TRRAP: variants seen among roughly 807,000 people sequenced by gnomAD.
TRRAP encodes the protein transformation/transcription domain associated protein, also known as transformation/transcription domain-associated protein.
A neutral mutation model predicts 438.8 loss-of-function variants in TRRAP; 41 were observed. The observed-to-expected ratio is 0.09, with a 90% confidence interval of 0.07 to 0.12. The LOEUF is 0.12. Among genes scored for constraint, TRRAP ranks in the 10% least tolerant of loss-of-function variants. The pLI is 1.00. For missense variants in TRRAP, 3,122 were observed against 5,055.1 expected, an observed-to-expected ratio of 0.62 and a Z score of 11.60; for synonymous variants, 1,994 against 1,962.9, an observed-to-expected ratio of 1.02 and a Z score of -0.42.
chr7:98,910,809 G>A (rs1360066673), intron 16 of TRRAP, among the ~76,000 whole-genome samples: 3 of 151,894 alleles, frequency 2.0e-5, no homozygotes, highest in Non-Finnish European at 4.4e-5. Context: ...ATTTTTGAGG[G>A]GCAGATAGTG....
chr7:98,985,561 GC>G (rs774449420), intron 62 of TRRAP, among the ~76,000 whole-genome samples: 3 of 152,204 alleles, frequency 2.0e-5, no homozygotes, highest in Non-Finnish European at 4.4e-5. Context: ...TTGCTGTCTA[GC>G]CCATCGCAGG....
At chr7:98,995,451 G>A (rs917102249) in intron 67 of TRRAP, among the ~76,000 whole-genome samples, 32 of 152,246 alleles carry the variant, frequency 2.1e-4, no homozygotes, top group African/African-American at 6.5e-4. Context: ...CTAAGTGCAA[G>A]CTCACTGTGG....
chr7:98,902,095 A>G (rs111271523), intron 11 of TRRAP, among the ~76,000 whole-genome samples: 8 of 152,234 alleles, frequency 5.3e-5, no homozygotes, highest in Admixed American at 6.5e-5. Flanking sequence ...TAATAAAGCA[A>G]CTATGCACAT....
At chr7:98,947,558 C>G (rs182754343) in intron 33 of TRRAP, among the ~76,000 whole-genome samples, 200 of 152,076 alleles carry the variant, frequency 1.3e-3, no homozygotes, top group African/African-American at 4.2e-3. Context: ...TGGGTTCAAG[C>G]AGTTCTCCTG....
Position 98,955,321 on chromosome 7 carries a change from G to T in TRRAP, c.5937+17G>T. The T allele has an allele frequency of 1.3e-6, 2 of 1,593,204 alleles. No homozygotes were observed. Among genetic ancestry groups the T allele is most frequent in the Non-Finnish European group, 1.7e-6 (2 of 1,164,128 alleles). Reference sequence around the variant, plus strand: ...CACTTCAAGGTGTGTAGGAGGGACGGTGGGCTGCGGGGCGCGCGTCTTCAG... The same window carrying T: ...CACTTCAAGGTGTGTAGGAGGGACGTTGGGCTGCGGGGCGCGCGTCTTCAG... On this transcript the variant is annotated intron_variant, in intron 41 of 72. Transcript: ENST00000456197.
intron 67 of TRRAP, among the ~76,000 whole-genome samples, chr7:98,998,387 G>C (rs1396795297): frequency 2.0e-5 from 3 of 152,142 alleles, no homozygotes; most frequent in Non-Finnish European, 4.4e-5. Context: ...TCCTTCACCA[G>C]ATGAAAATAT....
chr7:98,925,776 C>G (rs1790022884), intron 22 of TRRAP, among the ~76,000 whole-genome samples: 1 of 152,140 alleles, frequency 6.6e-6, no homozygotes, highest in Non-Finnish European at 1.5e-5. Flanking sequence ...TGGATTTTTC[C>G]TATATATTTT....
intron 46 of TRRAP, among the ~76,000 whole-genome samples, chr7:98,962,076 A>G (rs1313375700): frequency 6.6e-6 from 1 of 152,238 alleles, no homozygotes; most frequent in Non-Finnish European, 1.5e-5. Context: ...AGCATGTTAT[A>G]AATAAGTATA....
At chr7:98,900,893 G>T (rs995945024) in intron 11 of TRRAP, among the ~76,000 whole-genome samples, 173 bp downstream of exon 11, 1 of 152,132 alleles carries the variant, frequency 6.6e-6, no homozygotes. Flanking sequence ...TATATTTGTT[G>T]TCAGTTTCTT....
chr7:98,935,780 T>A, intron 28 of TRRAP, 105 bp downstream of exon 28: 1 of 818,680 alleles, frequency 1.2e-6, no homozygotes, highest in East Asian at 2.8e-5. Flanking sequence ...TTTTTATGAC[T>A]TTTTGTAGTC....
chr7:98,959,249 G>A, intron 44 of TRRAP, 95 bp from the exon 45 acceptor site: 4 of 1,529,474 alleles, frequency 2.6e-6, no homozygotes, highest in East Asian at 2.3e-5. Flanking sequence ...TGAGACAGGT[G>A]TAAGGGCCAG....
Position 98,953,160 on chromosome 7 carries a change from T to G in TRRAP, c.5464-7T>G, listed in dbSNP as rs375904955. The G allele has an allele frequency of 9.9e-6, 16 of 1,609,344 alleles. No individual in the cohort carries two copies. The African/African-American group carries it at 2.0e-4, about 20-fold the overall frequency. Reference sequence around the variant, plus strand: ...GGAAATGAGTCCTTCCTGCTGTCCCTGCACAGGTCCTGGACCCCGAGAAGC... The same window carrying G: ...GGAAATGAGTCCTTCCTGCTGTCCCGGCACAGGTCCTGGACCCCGAGAAGC... On this transcript the variant is annotated splice_region_variant and splice_polypyrimidine_tract_variant and intron_variant, in intron 39 of 72. Coordinates refer to ENST00000456197, the MANE Select transcript of TRRAP (RefSeq NM_001375524.1).
rs369733811 is a variant in TRRAP, at chr7:98,897,675, TG to T, written c.508-65del. Reference sequence around the variant, plus strand: ...AGCGTCTTTTTGTTTTGTTTTGTTTTGTTTTGTTTTTGAATGAATATTGGGT... The same window carrying T: ...AGCGTCTTTTTGTTTTGTTTTGTTTTTTTTGTTTTTGAATGAATATTGGGT... On this transcript the variant is annotated intron_variant, in intron 7 of 72. Transcript: ENST00000456197. 1.9e-4 allele frequency: 271 copies of T among 1,434,738 alleles called. 1 individual carries two copies. The highest frequency in any genetic ancestry group is 8.9e-4 in the East Asian group (36 of 40,256). 88.9% of individuals were successfully genotyped at this position (1,434,738 alleles called of 1,614,324 possible).
chr7:99,010,648 AAAC>A (rs2116882127), intron 70 of TRRAP, among the ~76,000 whole-genome samples: 1 of 152,308 alleles, frequency 6.6e-6, no homozygotes, highest in African/African-American at 2.4e-5. Flanking sequence ...TCAGTTTGTG[AAAC>A]ATCTGTCATT....
chr7:98,985,081 G>C, intron 62 of TRRAP, 37 bp downstream of exon 62: 2 of 1,400,750 alleles, frequency 1.4e-6, no homozygotes, highest in East Asian at 4.6e-5. Context: ...GAGAAAAAAT[G>C]CATCAGATTA....
At chr7:98,986,151 C>T (rs1009431845) in intron 62 of TRRAP, among the ~76,000 whole-genome samples, 3 of 150,842 alleles carry the variant, frequency 2.0e-5, no homozygotes, top group African/African-American at 7.5e-5. Flanking sequence ...GAATAATATT[C>T]CATTGGATAT....
intron 63 of TRRAP, among the ~76,000 whole-genome samples, chr7:98,989,610 T>C (rs1374407956): frequency 1.3e-5 from 2 of 152,234 alleles, no homozygotes; most frequent in African/African-American, 4.8e-5. Flanking sequence ...AACATAAAAA[T>C]TTGGAATGTA....
At chr7:98,961,543 C>T (rs543432852) in intron 46 of TRRAP, 69 bp downstream of exon 46, 15 of 1,551,300 alleles carry the variant, frequency 9.7e-6, no homozygotes, top group Admixed American at 6.8e-5. Context: ...GCTATGAGAG[C>T]GCTTGTCCTC....
chr7:98,930,347 C>A (rs182028720), intron 24 of TRRAP, 141 bp downstream of exon 24: 23 of 1,107,300 alleles, frequency 2.1e-5, no homozygotes, highest in Non-Finnish European at 2.9e-5. Context: ...GAGGCCAAGG[C>A]GGGCGGCTCA....
Sources: allele counts gnomAD v4.1 joint callset (sites outside exome capture counted in the v4.1 genomes callset), GRCh38; gene constraint gnomAD v4.1.1; transcripts MANE v1.5; gene names NCBI Gene and HGNC (gene_info 2026-07-23, HGNC 2026-07-21).